The following DHX40 variants were observed in gnomAD, a reference collection of about 807,000 sequenced individuals.
The protein encoded by DHX40 is DEAH-box helicase 40, also known as probable ATP-dependent RNA helicase DHX40.
A neutral mutation model predicts 89.6 loss-of-function variants in DHX40; 28 were observed. The ratio of observed to expected loss-of-function variants is 0.31; its 90% CI spans 0.23 to 0.43. The LOEUF (loss-of-function observed/expected upper bound fraction) is 0.43, where lower values mean the gene tolerates loss of function less well. Among genes scored for constraint, DHX40 ranks in the 20% least tolerant of loss-of-function variants. The probability of loss-of-function intolerance (pLI) is 1.00; values close to 1 mark genes in which losing one functional copy is unlikely to be tolerated. For synonymous variants in DHX40, 226 were observed against 283.6 expected, an observed-to-expected ratio of 0.80 and a Z score of 2.04; for missense variants, 457 against 844.0, an observed-to-expected ratio of 0.54 and a Z score of 5.68.
At position 59,604,982 on chromosome 17, in the gene DHX40, A is replaced by G. The variant is rs2030755511; in HGVS notation, c.1902-133A>G. On this transcript the variant is annotated intron_variant, in intron 15 of 17. Coordinates refer to ENST00000251241, the MANE Select transcript of DHX40 (RefSeq NM_024612.5). ...GTAGAGAGCTTGTAGTGACAGTTGA[A>G]TAAATGTAAACCTCTGCTTATAATG... is the stretch of plus-strand genomic sequence containing the variant. 4 of 725,964 alleles carry G rather than the reference A, an allele frequency of 5.5e-6. No homozygotes were observed. In the South Asian group the frequency reaches 6.7e-5, roughly 12 times the overall value. 45.0% of individuals were successfully genotyped at this position (725,964 alleles called of 1,614,324 possible).
intron 12 of DHX40, among the ~76,000 whole-genome samples, chr17:59,591,821 A>C (rs1388598420): frequency 1.3e-5 from 2 of 151,950 alleles, no homozygotes; most frequent in East Asian, 3.9e-4. Flanking sequence ...TTAGGCAAGA[A>C]CAAGGGCAAT....
intron 14 of DHX40, among the ~76,000 whole-genome samples, chr17:59,601,999 T>G (rs1428875473): frequency 6.6e-6 from 1 of 152,206 alleles, no homozygotes; most frequent in Non-Finnish European, 1.5e-5. Flanking sequence ...TTACTTATCC[T>G]TTTAAGAGGT....
intron 2 of DHX40, among the ~76,000 whole-genome samples, chr17:59,570,184 ATAAT>A (rs1338185812): frequency 2.4e-5 from 3 of 122,710 alleles, no homozygotes; most frequent in African/African-American, 1.0e-4. Flanking sequence ...ATTAATATAT[ATAAT>A]ATATAATATA....
intron 3 of DHX40, among the ~76,000 whole-genome samples, chr17:59,571,808 T>A (rs570938241): frequency 6.6e-6 from 1 of 152,104 alleles, no homozygotes; most frequent in African/African-American, 2.4e-5. Context: ...CCTGACCTTG[T>A]GATCTGCCCA....
intron 15 of DHX40, chr17:59,603,410 T>TC (rs1406423862): frequency 6.6e-6 from 1 of 151,788 alleles, no homozygotes. Context: ...CTTAAAGGAG[T>TC]CAGGGGTCTT....
intron 11 of DHX40, 68 bp downstream of exon 11, chr17:59,586,301 A>T: frequency 8.5e-7 from 1 of 1,178,190 alleles, no homozygotes; most frequent in South Asian, 1.4e-5. Flanking sequence ...GGCTCTAAAT[A>T]CCTTTCTCTA....
At chr17:59,588,316 A>T (rs970240147) in intron 12 of DHX40, among the ~76,000 whole-genome samples, 1 of 150,894 alleles carries the variant, frequency 6.6e-6, no homozygotes, top group Non-Finnish European at 1.5e-5. Flanking sequence ...GGAAGTACAG[A>T]GGGTTGACAT....
chr17:59,570,077 TA>T (rs1281945191), intron 2 of DHX40, among the ~76,000 whole-genome samples: 6 of 104,202 alleles, frequency 5.8e-5, no homozygotes, highest in Admixed American at 4.6e-4. Context: ...TTATAATGTA[TA>T]TTTATATATA....
chr17:59,598,158 C>T (rs1431094242), intron 12 of DHX40, among the ~76,000 whole-genome samples: 1 of 152,032 alleles, frequency 6.6e-6, no homozygotes, highest in Non-Finnish European at 1.5e-5. Context: ...TGAGCTACCA[C>T]ACCTGGCCCT....
intron 3 of DHX40, among the ~76,000 whole-genome samples, chr17:59,572,313 A>G (rs2048821244): frequency 6.6e-6 from 1 of 151,918 alleles, no homozygotes; most frequent in African/African-American, 2.4e-5. Context: ...CCCTTGTTTT[A>G]TGGATGTCGT....
At chr17:59,567,789 G>A (rs1441433507) in intron 2 of DHX40, among the ~76,000 whole-genome samples, 1 of 151,874 alleles carries the variant, frequency 6.6e-6, no homozygotes, top group African/African-American at 2.4e-5. Context: ...AAAATTCGCC[G>A]GGCGTGGTGG....
At chr17:59,586,389 G>C (rs911811764) in intron 11 of DHX40, among the ~76,000 whole-genome samples, 156 bp downstream of exon 11, 2 of 152,014 alleles carry the variant, frequency 1.3e-5, no homozygotes, top group African/African-American at 4.8e-5. Flanking sequence ...CCAGCCGGGC[G>C]CTGTGGCTCA....
chr17:59,588,840 AAAG>A (rs2049038553), intron 12 of DHX40, among the ~76,000 whole-genome samples: 1 of 152,162 alleles, frequency 6.6e-6, no homozygotes, highest in African/African-American at 2.4e-5. Context: ...TGTATCTAAA[AAAG>A]TCATTGTCGT....
chr17:59,597,938 A>G, intron 12 of DHX40, among the ~76,000 whole-genome samples: 1 of 150,392 alleles, frequency 6.6e-6, no homozygotes, highest in African/African-American at 2.5e-5. Context: ...CCGTCTCAAA[A>G]AAAAAAAAAA....
intron 12 of DHX40, among the ~76,000 whole-genome samples, chr17:59,592,650 T>A (rs930428181): frequency 7.0e-6 from 1 of 142,736 alleles, no homozygotes; most frequent in African/African-American, 2.6e-5. Flanking sequence ...CAATCTCGGC[T>A]CACTGCAACC....
intron 11 of DHX40, 97 bp downstream of exon 11, chr17:59,586,330 T>A (rs2048996618): frequency 1.9e-6 from 2 of 1,059,128 alleles, no homozygotes; most frequent in Admixed American, 2.7e-5. Flanking sequence ...AAATAATTTC[T>A]TTAAATTGAA....
intron 10 of DHX40, among the ~76,000 whole-genome samples, chr17:59,585,182 CTGAGGTCAGGAGTT>C (rs1280893623): frequency 1.6e-5 from 1 of 63,378 alleles, no homozygotes; most frequent in Non-Finnish European, 3.0e-5. Flanking sequence ...GGTGGATCAC[CTGAGGTCAGGAGTT>C]TGAGACAAGC....
At chr17:59,565,926 A>G in intron 1 of DHX40, 143 bp downstream of exon 1, 1 of 670,552 alleles carries the variant, frequency 1.5e-6, no homozygotes, top group Non-Finnish European at 2.3e-6. Context: ...CCCGAGGCGA[A>G]CTTTGCGTCC....
intron 2 of DHX40, among the ~76,000 whole-genome samples, chr17:59,567,243 A>G (rs1273536480): frequency 6.6e-6 from 1 of 152,196 alleles, no homozygotes; most frequent in African/African-American, 2.4e-5. Flanking sequence ...AAAATACGTT[A>G]AGTAAAGTTA....
Sources: gnomAD v4.1 joint callset for allele counts (sites outside exome capture counted in the v4.1 genomes callset) on GRCh38, gnomAD v4.1.1 for gene constraint, MANE v1.5 for transcripts, NCBI Gene and HGNC (gene_info 2026-07-23, HGNC 2026-07-21) for gene names.